URI1: variants seen among roughly 807,000 people sequenced by gnomAD.
URI1 encodes the protein URI1 prefoldin like chaperone, also known as unconventional prefoldin RPB5 interactor 1.
A neutral mutation model predicts 60.2 loss-of-function variants in URI1; 39 were observed. The observed-to-expected ratio is 0.65, with a 90% confidence interval of 0.50 to 0.85. URI1 has a LOEUF of 0.85. Among genes scored for constraint, URI1 ranks in the 40% least tolerant of loss-of-function variants. The pLI, the probability that URI1 is intolerant of heterozygous loss-of-function variation, is 0.00. For synonymous variants in URI1, 251 were observed against 236.8 expected (o/e 1.06, Z -0.55); for missense variants, 691 against 665.9 (o/e 1.04, Z -0.42).
chr19:29,938,235 C>T (rs1379860415), upstream of URI1, among the ~76,000 whole-genome samples: 1 of 152,088 alleles, frequency 6.6e-6, no homozygotes, highest in Admixed American at 6.6e-5. Context: ...GGCACCAACA[C>T]CTGCTCGGTT....
chr19:30,005,780 T>A, intron 6 of URI1, 72 bp downstream of exon 6: 4 of 1,396,230 alleles, frequency 2.9e-6, no homozygotes, highest in Non-Finnish European at 4.0e-6. Flanking sequence ...GTGGGCTTTC[T>A]GTGAGATATT....
chr19:29,975,179 A>T (rs1466749173), intron 2 of URI1, among the ~76,000 whole-genome samples: 2 of 152,256 alleles, frequency 1.3e-5, no homozygotes, highest in East Asian at 1.9e-4. Flanking sequence ...GTGGCTGGAC[A>T]TTCCCACTAA....
chr19:29,942,613 G>A lies in URI1; in HGVS notation c.66G>A (p.Leu22=), dbSNP rs370296751. Residue 22 remains leucine (L), a synonymous_variant, in exon 1 of 11, where the codon CTG becomes CTA. Transcript: ENST00000392271. ...CCCCTTCGGCCCCGGCCCCTGCCCT[G>A]GTTCCGTTGCGCGCCCCGGATGTGG... ...PSPPSAPAPA[L]VPLRAPDVAR... 3.4e-6 allele frequency: 5 copies of A among 1,470,216 alleles called. No individual in the cohort carries two copies. Among genetic ancestry groups the A allele is most frequent in the Non-Finnish European group, 4.5e-6 (5 of 1,115,112 alleles). 91.1% of individuals were successfully genotyped at this position (1,470,216 alleles called of 1,614,324 possible). A position where few individuals can be genotyped will look rare whatever the true frequency, so the allele number is the denominator to read the frequency against.
Position 29,926,233 on chromosome 19 carries a change from CTCCTTCCTTCCTTCCT to C in URI1, c.63+2516_63+2531del, listed in dbSNP as rs35040318. On this transcript the variant is annotated intron_variant, in intron 1 of 10. Transcript: ENST00000360605. Reference sequence around the variant, plus strand: ...AAAAATCTTCTCTCTTTCTTCCTCTCTCCTTCCTTCCTTCCTTCCTTCCTTCCTTCCTTCCTTCCTT... The same window carrying C: ...AAAAATCTTCTCTCTTTCTTCCTCTCTCCTTCCTTCCTTCCTTCCTTCCTT... Among the ~76,000 whole-genome samples, 504 of 131,682 alleles carry C rather than the reference CTCCTTCCTTCCTTCCT, an allele frequency of 3.8e-3. 3 individuals are homozygous for C. The highest frequency in any genetic ancestry group is 0.012 in the African/African-American group (428 of 35,102). The allele number at this position is 131,682 out of a possible 152,430, so 86.4% of individuals were successfully genotyped here.
chr19:29,986,247 GTTTT>G, intron 3 of URI1, 31 bp from the exon 4 acceptor site: 1 of 1,525,586 alleles, frequency 6.6e-7, no homozygotes, highest in Non-Finnish European at 8.7e-7. Flanking sequence ...AGTGTTTTAT[GTTTT>G]TTCCCTTTTT....
rs1300106953 is a variant in URI1 at position 30,014,964 on chromosome 19, A to G, written c.1503A>G (p.Ala501=). The change falls in exon 11 of 11, where the codon GCA becomes GCG. Residue 501 remains alanine (A), a synonymous_variant. Coordinates refer to ENST00000392271, the MANE Select transcript of URI1 (RefSeq NM_003796.3). The part of the protein sequence containing the change: ...LTPPPAIAHP[A]LPTIPERKEV... ...CACCCCCAGCCATTGCTCATCCCGC[A>G]CTACCCACTATTCCAGAACGAAAGG... is the stretch of plus-strand genomic sequence containing the variant. 1.2e-6 allele frequency: 2 copies of G among 1,613,884 alleles called. No individual in the cohort carries two copies. The highest frequency in any genetic ancestry group is 1.7e-6 in the Non-Finnish European group (2 of 1,179,798).
intron 1 of URI1, among the ~76,000 whole-genome samples, chr19:29,958,371 C>T (rs965787170): frequency 6.6e-6 from 1 of 152,096 alleles, no homozygotes; most frequent in African/African-American, 2.4e-5. Context: ...TTTGTAGCTA[C>T]TCGTTATGAA....
At chr19:30,005,737 C>T in intron 6 of URI1, 29 bp downstream of exon 6, 1 of 1,585,682 alleles carries the variant, frequency 6.3e-7, no homozygotes, top group Non-Finnish European at 8.6e-7. Flanking sequence ...TTATGTGTAG[C>T]TGTTTAGATA....
chr19:30,002,747 C>A (rs1347826556), intron 4 of URI1, among the ~76,000 whole-genome samples: 2 of 151,702 alleles, frequency 1.3e-5, no homozygotes, highest in Non-Finnish European at 2.9e-5. Context: ...ACAGCTATTT[C>A]TTTGATCCCA....
At chr19:29,963,316 G>A (rs1002267089) in intron 1 of URI1, among the ~76,000 whole-genome samples, 1 of 151,890 alleles carries the variant, frequency 6.6e-6, no homozygotes, top group African/African-American at 2.4e-5. Flanking sequence ...GAATCTCTGG[G>A]CTTTAATTTG....
At chr19:29,977,703 TG>T (rs1276116373) in intron 2 of URI1, among the ~76,000 whole-genome samples, 1 of 151,966 alleles carries the variant, frequency 6.6e-6, no homozygotes, top group Non-Finnish European at 1.5e-5. Context: ...TGTCAAATCT[TG>T]TCATTAAGTT....
At chr19:29,956,267 C>T (rs1394566411) in intron 1 of URI1, 21 of 698,226 alleles carry the variant, frequency 3.0e-5, no homozygotes, top group South Asian at 1.4e-4. Flanking sequence ...TGAGCCACGG[C>T]GCCTGGCCCA....
chr19:29,966,214 TC>T (rs1358493943), intron 1 of URI1, among the ~76,000 whole-genome samples: 1 of 151,846 alleles, frequency 6.6e-6, no homozygotes, highest in African/African-American at 2.4e-5. Context: ...TGGTGTGATC[TC>T]GGCTCACTGC....
chr19:29,999,412 A>AT (rs1457617236), intron 4 of URI1, among the ~76,000 whole-genome samples: 2 of 152,084 alleles, frequency 1.3e-5, no homozygotes, highest in Non-Finnish European at 2.9e-5. Flanking sequence ...ATTTCCCCTC[A>AT]TTTTTAAAAG....
At chr19:29,936,881 C>T (rs335021) in intron 1 of URI1, among the ~76,000 whole-genome samples, 143,489 of 152,074 alleles carry the variant, frequency 0.94, 67,754 homozygotes, top group East Asian at 1. Flanking sequence ...GCCTCCCCAG[C>T]AGCTAGGGTT....
At chr19:29,994,300 T>TCCTCC (rs1251559967) in intron 4 of URI1, among the ~76,000 whole-genome samples, 14 of 152,044 alleles carry the variant, frequency 9.2e-5, no homozygotes, top group Admixed American at 4.6e-4. Flanking sequence ...TTCCTCCTTT[T>TCCTCC]CCTCCCCTCC....
chr19:29,974,294 T>C (rs967147054), intron 2 of URI1, among the ~76,000 whole-genome samples: 14 of 152,058 alleles, frequency 9.2e-5, no homozygotes, highest in African/African-American at 3.4e-4. Context: ...ATTTTAATTG[T>C]CAGACAAATA....
intron 5 of URI1, 59 bp from the exon 6 acceptor site, chr19:30,005,592 A>G: frequency 6.3e-7 from 1 of 1,576,724 alleles, no homozygotes; most frequent in African/African-American, 1.4e-5. Context: ...CTCTTTGGAT[A>G]ATTTTAGTAT....
intron 2 of URI1, among the ~76,000 whole-genome samples, chr19:29,981,761 C>CT (rs1473338078): frequency 6.6e-6 from 1 of 152,050 alleles, no homozygotes; most frequent in Non-Finnish European, 1.5e-5. Flanking sequence ...TTTCTTAACT[C>CT]TATCTGGGTT....
Sources: gnomAD v4.1 joint callset for allele counts (sites outside exome capture counted in the v4.1 genomes callset) on GRCh38, gnomAD v4.1.1 for gene constraint, MANE v1.5 for transcripts, NCBI Gene and HGNC (gene_info 2026-07-23, HGNC 2026-07-21) for gene names.